NSD3: variants seen among roughly 807,000 people sequenced by gnomAD.
NSD3 encodes nuclear receptor binding SET domain protein 3.
In NSD3, 24 loss-of-function variants were observed where a neutral mutation model predicts 160.8. The ratio of observed to expected loss-of-function variants is 0.15; its 90% CI spans 0.11 to 0.21. The LOEUF (loss-of-function observed/expected upper bound fraction) is 0.21, where lower values mean the gene tolerates loss of function less well. Ranked by LOEUF, NSD3 falls within the 10% of genes least tolerant of loss-of-function variation. The pLI is 1.00. For synonymous variants in NSD3, 520 were observed against 600.0 expected, an observed-to-expected ratio of 0.87 and a Z score of 1.95; for missense variants, 1,157 against 1,735.9, an observed-to-expected ratio of 0.67 and a Z score of 5.93.
At chr8:38,371,197 G>C (rs769486932) in intron 1 of NSD3, among the ~76,000 whole-genome samples, 1 of 151,982 alleles carries the variant, frequency 6.6e-6, no homozygotes, top group Non-Finnish European at 1.5e-5. Flanking sequence ...GAAGGATATA[G>C]AACAAAATAT....
At chr8:38,345,044 G>A (rs1563362767) in intron 2 of NSD3, among the ~76,000 whole-genome samples, 1 of 152,138 alleles carries the variant, frequency 6.6e-6, no homozygotes, top group Non-Finnish European at 1.5e-5. Context: ...TGACATTAAC[G>A]ATAGGCAAGA....
chr8:38,322,391 AAGACAGC>A (rs761136185), intron 7 of NSD3, among the ~76,000 whole-genome samples: 25 of 152,300 alleles, frequency 1.6e-4, no homozygotes, highest in Admixed American at 6.5e-5. Flanking sequence ...AATGTTTACT[AAGACAGC>A]AGATATGCTA....
chr8:38,313,657 A>AAG (rs2131019018), intron 12 of NSD3, among the ~76,000 whole-genome samples: 1 of 152,066 alleles, frequency 6.6e-6, no homozygotes, highest in South Asian at 2.1e-4. Context: ...GCGTGGTGGC[A>AAG]GGCACCTGTA....
intron 7 of NSD3, among the ~76,000 whole-genome samples, chr8:38,324,788 G>A (rs1305416267): frequency 2.0e-5 from 3 of 152,114 alleles, no homozygotes; most frequent in Non-Finnish European, 2.9e-5. Flanking sequence ...GAAGGGGAGT[G>A]GGGCTGAAGA....
At chr8:38,379,030 C>T (rs1461559144) in intron 1 of NSD3, among the ~76,000 whole-genome samples, 2 of 151,738 alleles carry the variant, frequency 1.3e-5, no homozygotes, top group African/African-American at 4.8e-5. Flanking sequence ...ATCTCAAAGA[C>T]AGTTTCCTTT....
chr8:38,299,825 G>A (rs1809239685), intron 14 of NSD3: 1 of 358,624 alleles, frequency 2.8e-6, no homozygotes, highest in South Asian at 1.5e-4. Context: ...TTCTGCAGAA[G>A]AAAACTTCAA....
At chr8:38,364,102 G>A (rs917600792) in intron 1 of NSD3, among the ~76,000 whole-genome samples, 21 of 152,000 alleles carry the variant, frequency 1.4e-4, no homozygotes, top group African/African-American at 4.1e-4. Flanking sequence ...GTGAAACCCC[G>A]TGTCTACTAA....
chr8:38,346,585 TAAG>T (rs1219528111), intron 2 of NSD3, among the ~76,000 whole-genome samples: 1 of 151,598 alleles, frequency 6.6e-6, no homozygotes, highest in African/African-American at 2.4e-5. Flanking sequence ...AATGAATAAA[TAAG>T]AAAACTATAA....
chr8:38,289,527 G>A (rs1210149685), intron 17 of NSD3, 22 bp from the exon 18 acceptor site: 1 of 1,601,576 alleles, frequency 6.2e-7, no homozygotes, highest in Non-Finnish European at 8.5e-7. Flanking sequence ...ATGATACAAA[G>A]TATGTAAATA....
intron 2 of NSD3, among the ~76,000 whole-genome samples, chr8:38,342,338 T>G (rs1317115428): frequency 6.6e-6 from 1 of 152,188 alleles, no homozygotes; most frequent in Non-Finnish European, 1.5e-5. Flanking sequence ...GATACCCTCT[T>G]TGGGTACTAA....
At chr8:38,365,596 C>CA (rs1489481704) in intron 1 of NSD3, among the ~76,000 whole-genome samples, 6 of 152,230 alleles carry the variant, frequency 3.9e-5, no homozygotes, top group Admixed American at 1.3e-4. Context: ...CCTCAGCCAC[C>CA]AGAGTAGCTG....
intron 8 of NSD3, chr8:38,320,869 G>C (rs1272667279): frequency 2.3e-6 from 1 of 426,028 alleles, no homozygotes; most frequent in African/African-American, 2.0e-5. Flanking sequence ...CCTGAAACCT[G>C]TTTTCTGTGA....
rs767050165 is a variant in NSD3, at chr8:38,321,881, C to T, written c.1709-709G>A. Among the ~76,000 whole-genome samples the T allele has an allele frequency of 1.4e-4, 21 of 152,008 alleles. No homozygotes were observed. Among genetic ancestry groups the T allele is most frequent in the Non-Finnish European group, 1.2e-4 (8 of 68,002 alleles). ...TTTAAAGAGTACAATTCTTTAAAAG[C>T]GAATTGAAGAAAACTCACATGGACC... On this transcript the variant is annotated intron_variant, in intron 7 of 23. Transcript: ENST00000317025. The surrounding 1 kb of genome is among the most constrained non-coding windows in gnomAD (Gnocchi z 4.7).
Position 38,317,971 on chromosome 8 carries a change from C to T in NSD3, c.1855+924G>A, listed in dbSNP as rs763081050. ...TACAGGAATCTCAGTCCACAGTTTC[C>T]TCAATCGCTGCGGAGACGGAGCTGT... On this transcript the variant is annotated intron_variant, in intron 9 of 23. Coordinates refer to ENST00000317025, the MANE Select transcript of NSD3 (RefSeq NM_023034.2). This position sits in a 1 kb window ranked among gnomAD's most constrained non-coding sequence, Gnocchi z 5.3. The T allele has an allele frequency of 6.2e-7, 1 of 1,614,168 alleles. No homozygotes were observed.
chr8:38,290,416 G>A lies in NSD3; in HGVS notation c.3118+59C>T. The A allele has an allele frequency of 1.9e-6, 3 of 1,558,482 alleles. No individual in the cohort carries two copies. The South Asian group carries it at 3.4e-5, about 17-fold the overall frequency. On this transcript the variant is annotated intron_variant, in intron 17 of 23. Transcript: ENST00000317025. ...AGAAATATTAGGGAGGTGAGGAGAT[G>A]TTGAGAAACTGACACCGGAGTTGTA...
In NSD3 at chr8:38,326,772, T is replaced by C. The variant is rs147652979; in HGVS notation, c.1666A>G (p.Thr556Ala). The C allele has an allele frequency of 2.7e-5, 43 of 1,614,020 alleles. No individual in the cohort carries two copies. Among genetic ancestry groups the C allele is most frequent in the Admixed American group, 5.0e-5 (3 of 60,010 alleles). ...GCTTCAGGAGATGATACACTCTGCGTTGGCTTTTCATTTCTCTGGTTTGGT... is the reference window on the plus strand; with the variant it reads ...GCTTCAGGAGATGATACACTCTGCGCTGGCTTTTCATTTCTCTGGTTTGGT... ...STPNQRNEKP[T>A]QSVSSPEATS... The change falls in exon 7 of 24, where the codon ACG (threonine) becomes GCG (alanine). Residue 556 changes from threonine to alanine, a missense_variant. By Grantham distance (58) the Thr-to-Ala change is moderately conservative. Transcript: ENST00000317025.
chr8:38,346,204 CTATG>C (rs1489388316), intron 2 of NSD3, among the ~76,000 whole-genome samples: 2 of 147,170 alleles, frequency 1.4e-5, no homozygotes, highest in African/African-American at 5.0e-5. Flanking sequence ...ATATACATAC[CTATG>C]TATTATGTAT....
chr8:38,368,142 G>C (rs1227946782), intron 1 of NSD3, among the ~76,000 whole-genome samples: 2 of 152,038 alleles, frequency 1.3e-5, no homozygotes, highest in African/African-American at 4.8e-5. Flanking sequence ...ATCACACCCA[G>C]CTAAAGGGGG....
rs1305299899 is a variant in NSD3 at position 38,338,546 on chromosome 8, T to C, written c.737A>G (p.Glu246Gly). The change falls in exon 3 of 24, where the codon GAG becomes GGG. Residue 246 changes from glutamate to glycine, a missense_variant. Physicochemically the swap from Glu to Gly is moderately conservative, Grantham distance 98 (BLOSUM62 -2). Transcript: ENST00000317025. ...AGTAAAACAACTTACTGGGGCTTCC[T>C]CTTTTAGTACTGGTTCTTCCCTTGG... ...EKPREEPVLKEEAPVQPILSS... is the reference protein window; with the variant it reads ...EKPREEPVLKGEAPVQPILSS... 1 of 1,613,764 alleles carries C rather than the reference T, an allele frequency of 6.2e-7. No homozygotes were observed. Among genetic ancestry groups the C allele is most frequent in the African/African-American group, 1.3e-5 (1 of 74,938 alleles).
Sources: gnomAD v4.1 joint callset for allele counts (sites outside exome capture counted in the v4.1 genomes callset) on GRCh38, gnomAD v4.1.1 for gene constraint, Gnocchi (gnomAD v3.1) non-coding constraint, MANE v1.5 for transcripts, NCBI Gene and HGNC (gene_info 2026-07-23, HGNC 2026-07-21) for gene names.